The following ZNF114 variants were observed in gnomAD, a reference collection of about 807,000 sequenced individuals.
The protein encoded by ZNF114 is zinc finger protein 114.
Under a neutral mutation model 6.8 loss-of-function variants are expected in ZNF114, and 8 were observed. The ratio of observed to expected loss-of-function variants is 1.18; its 90% CI spans 0.69 to 2.13. The LOEUF is 2.13. ZNF114 is among the 30% of genes most tolerant of loss of function. The pLI is 0.00. For synonymous variants in ZNF114, 169 were observed against 185.5 expected (o/e 0.91, Z 0.72); for missense variants, 472 against 519.5 (o/e 0.91, Z 0.89).
intron 3 of ZNF114, among the ~76,000 whole-genome samples, chr19:48,277,730 A>G (rs1054540920): frequency 6.8e-6 from 1 of 146,090 alleles, no homozygotes; most frequent in African/African-American, 2.6e-5. Context: ...GAGGGTGTTC[A>G]TTGCCTCCTG....
At chr19:48,275,588 T>A (rs1278519387) in intron 3 of ZNF114, among the ~76,000 whole-genome samples, 1 of 151,886 alleles carries the variant, frequency 6.6e-6, no homozygotes, top group Non-Finnish European at 1.5e-5. Context: ...CCAGCCTGGG[T>A]GATAGAGCGA....
At chr19:48,275,458 A>ACAC (rs1600837639) in intron 3 of ZNF114, among the ~76,000 whole-genome samples, 2 of 145,156 alleles carry the variant, frequency 1.4e-5, no homozygotes, top group African/African-American at 5.2e-5. Flanking sequence ...ACACACACAC[A>ACAC]AAATAGCCAG....
At chr19:48,277,474 C>G (rs1041907812) in intron 3 of ZNF114, among the ~76,000 whole-genome samples, 6 of 152,176 alleles carry the variant, frequency 3.9e-5, no homozygotes, top group Non-Finnish European at 8.8e-5. Flanking sequence ...TCTTTATTAA[C>G]CAAGGCTTGT....
At chr19:48,276,271 G>C (rs1177797053) in intron 3 of ZNF114, among the ~76,000 whole-genome samples, 2 of 151,602 alleles carry the variant, frequency 1.3e-5, no homozygotes, top group East Asian at 4.0e-4. Flanking sequence ...TAGAGACGGG[G>C]TTTCTCCATG....
Position 48,279,777 on chromosome 19 carries a change from T to G in ZNF114, c.-23T>G, listed in dbSNP as rs1162156498. The G allele has an allele frequency of 6.2e-7, 1 of 1,613,968 alleles. No individual in the cohort carries two copies. Among genetic ancestry groups the G allele is most frequent in the African/African-American group, 1.3e-5 (1 of 75,022 alleles). On this transcript the variant is annotated 5_prime_UTR_variant, in exon 4 of 6. Transcript: ENST00000595607. Reference sequence around the variant, plus strand: ...GAAGGAAACACGGGGAAGCCAGGACTGGCCGTCACGTTGGTGACAAATATG... The same window carrying G: ...GAAGGAAACACGGGGAAGCCAGGACGGGCCGTCACGTTGGTGACAAATATG...
chr19:48,270,398 AAAAAAAG>A (rs1282239246), intron 1 of ZNF114, among the ~76,000 whole-genome samples, 179 bp downstream of exon 1: 4 of 150,706 alleles, frequency 2.7e-5, no homozygotes, highest in South Asian at 2.1e-4. Context: ...TCTCAGAAAA[AAAAAAAG>A]AAAAAAAGAA....
Position 48,271,346 on chromosome 19 carries a change from G to C in ZNF114, c.-275G>C, listed in dbSNP as rs1199380609. 1 of 152,304 alleles carries C rather than the reference G, an allele frequency of 6.6e-6. No individual in the cohort carries two copies. The highest frequency in any genetic ancestry group is 1.5e-5 in the Non-Finnish European group (1 of 68,096). 9.4% of individuals were successfully genotyped at this position (152,304 alleles called of 1,614,324 possible). A position where few individuals can be genotyped will look rare whatever the true frequency, so the allele number is the denominator to read the frequency against. On this transcript the variant is annotated 5_prime_UTR_variant, in exon 2 of 6. Coordinates refer to ENST00000595607, the MANE Select transcript of ZNF114 (RefSeq NM_153608.4). ...CAAGGAGGCGCGTTGGCTGCGCAGA[G>C]AGCGCGCTTCCCAGCTGGAGAGCCT...
At chr19:48,285,515 CAG>C (rs1968091350) in intron 5 of ZNF114, among the ~76,000 whole-genome samples, 1 of 141,200 alleles carries the variant, frequency 7.1e-6, no homozygotes, top group Admixed American at 7.5e-5. Flanking sequence ...GAGAGAAAGA[CAG>C]AGAGAACGAG....
At position 48,287,014 on chromosome 19, in the gene ZNF114, A is replaced by G. The variant is rs1244659915; in HGVS notation, c.*136A>G. 2 of 951,494 alleles carry G rather than the reference A, an allele frequency of 2.1e-6. No homozygotes were observed. The highest frequency in any genetic ancestry group is 3.4e-5 in the African/African-American group (2 of 58,946). 58.9% of individuals were successfully genotyped at this position (951,494 alleles called of 1,614,324 possible). ...CTCTCGTATCTTACAGAAATGTGAA[A>G]AAAAACCCTGTGAAGGTAAAGTCTA... On this transcript the variant is annotated 3_prime_UTR_variant, in exon 6 of 6. Transcript: ENST00000595607.
chr19:48,277,775 A>T (rs1014865025), intron 3 of ZNF114, among the ~76,000 whole-genome samples: 2 of 72,822 alleles, frequency 2.7e-5, no homozygotes, highest in Admixed American at 1.3e-4. Flanking sequence ...CTATGAATAG[A>T]CTGACCAGGG....
intron 3 of ZNF114, among the ~76,000 whole-genome samples, chr19:48,274,862 G>T (rs1967783093): frequency 1.3e-5 from 2 of 151,966 alleles, no homozygotes; most frequent in Middle Eastern, 3.2e-3. Flanking sequence ...TCTCTTCCAG[G>T]GCTCACACCC....
At position 48,280,228 on chromosome 19, in the gene ZNF114, A is replaced by G. The variant is rs1967954000; in HGVS notation, c.9+420A>G. ...CAAGACCACCGTCTCTATAAATATA[A>G]AACAAATTTGCCTGGTGTGGTGGTG... On this transcript the variant is annotated intron_variant, in intron 4 of 5. Coordinates refer to ENST00000595607, the MANE Select transcript of ZNF114 (RefSeq NM_153608.4). Among the ~76,000 whole-genome samples the G allele has an allele frequency of 3.9e-5, 6 of 152,022 alleles. No homozygotes were observed. In the South Asian group the frequency reaches 1.2e-3, roughly 32 times the overall value.
In ZNF114 at chr19:48,286,542, C is replaced by T; in HGVS notation, c.918C>T (p.Cys306=). Residue 306 remains cysteine, a synonymous_variant, in exon 6 of 6, where the codon TGC becomes TGT. Coordinates refer to ENST00000595607, the MANE Select transcript of ZNF114 (RefSeq NM_153608.4). ...SHCTGEKTHK[C]PECGRAFFYQ... is the part of the protein sequence containing the mutation. Reference sequence around the variant, plus strand: ...GCACTGGAGAGAAAACCCATAAATGCCCCGAATGTGGGAGAGCCTTTTTTT... The same window carrying T: ...GCACTGGAGAGAAAACCCATAAATGTCCCGAATGTGGGAGAGCCTTTTTTT... 1 of 1,614,116 alleles carries T rather than the reference C, an allele frequency of 6.2e-7. No homozygotes were observed. The highest frequency in any genetic ancestry group is 8.5e-7 in the Non-Finnish European group (1 of 1,180,026).
At chr19:48,274,887 C>G (rs1967784021) in intron 3 of ZNF114, among the ~76,000 whole-genome samples, 2 of 152,102 alleles carry the variant, frequency 1.3e-5, no homozygotes, top group African/African-American at 4.8e-5. Flanking sequence ...ACTTGCCTCC[C>G]TTTGTTCATG....
intron 3 of ZNF114, among the ~76,000 whole-genome samples, chr19:48,273,404 G>GTTTTTC (rs1185640730): frequency 4.8e-5 from 6 of 125,490 alleles, no homozygotes; most frequent in Non-Finnish European, 8.9e-5. Flanking sequence ...ATGATGCGTT[G>GTTTTTC]TTTTTCTTTT....
At chr19:48,274,500 ATATATATTTTTTTT>A (rs1203550020) in intron 3 of ZNF114, among the ~76,000 whole-genome samples, 920 of 73,542 alleles carry the variant, frequency 0.013, 13 homozygotes, top group African/African-American at 0.046. Flanking sequence ...ATATATATAT[ATATATATTTTTTTT>A]TTTTTTTTTG....
At chr19:48,273,991 T>A (rs748337226) in intron 3 of ZNF114, among the ~76,000 whole-genome samples, 3 of 151,640 alleles carry the variant, frequency 2.0e-5, no homozygotes, top group Non-Finnish European at 2.9e-5. Flanking sequence ...TCTCTTGACC[T>A]CGTGATCCGC....
intron 1 of ZNF114, among the ~76,000 whole-genome samples, chr19:48,270,727 A>G (rs112755019): frequency 6.6e-6 from 1 of 150,698 alleles, no homozygotes; most frequent in East Asian, 2.0e-4. Context: ...GAAGAAAGAA[A>G]GAGAAAAAAG....
intron 3 of ZNF114, among the ~76,000 whole-genome samples, chr19:48,274,575 C>T (rs568483723): frequency 1.4e-4 from 21 of 150,126 alleles, no homozygotes; most frequent in African/African-American, 4.9e-4. Flanking sequence ...GGTGCAATCT[C>T]GTCTCACCGC....
Sources: gnomAD v4.1 joint callset for allele counts (sites outside exome capture counted in the v4.1 genomes callset) on GRCh38, gnomAD v4.1.1 for gene constraint, MANE v1.5 for transcripts, NCBI Gene and HGNC (gene_info 2026-07-23, HGNC 2026-07-21) for gene names.